The following EXOSC7 variants were observed in gnomAD, a reference collection of about 807,000 sequenced individuals.
The protein encoded by EXOSC7 is exosome component 7, also known as exosome complex component RRP42.
Under a neutral mutation model 34.3 loss-of-function variants are expected in EXOSC7, and 25 were observed. The ratio of observed to expected loss-of-function variants is 0.73; its 90% CI spans 0.53 to 1.02. EXOSC7 has a LOEUF of 1.02. EXOSC7 is among the 50% of genes least tolerant of loss of function. The pLI is 0.00. For missense variants in EXOSC7, 370 were observed against 368.5 expected, an observed-to-expected ratio of 1.00 and a Z score of -0.03; for synonymous variants, 130 against 143.0, an observed-to-expected ratio of 0.91 and a Z score of 0.65.
At chr3:44,990,798 T>C (rs763474165) in intron 3 of EXOSC7, among the ~76,000 whole-genome samples, 2 of 152,182 alleles carry the variant, frequency 1.3e-5, no homozygotes, top group Non-Finnish European at 2.9e-5. Context: ...TTGCACAATA[T>C]AGGCACAGTG....
In EXOSC7 at chr3:45,008,750, A is replaced by G. The variant is rs1215950858; in HGVS notation, c.771+1175A>G. Among the ~76,000 whole-genome samples, 5 of 152,260 alleles carry G rather than the reference A, an allele frequency of 3.3e-5. No homozygotes were observed. In the East Asian group the frequency reaches 5.8e-4, roughly 18 times the overall value. On this transcript the variant is annotated intron_variant, in intron 7 of 7. Coordinates refer to ENST00000265564, the MANE Select transcript of EXOSC7 (RefSeq NM_015004.4). ...CAAATTTCTCCAGACTTAATGCTGC[A>G]TAAATTCTACCAAAGTCCTCTAGGC...
intron 1 of EXOSC7, among the ~76,000 whole-genome samples, chr3:44,982,714 G>A (rs1332858172): frequency 6.6e-6 from 1 of 152,202 alleles, no homozygotes; most frequent in Non-Finnish European, 1.5e-5. Context: ...GACAGAATTG[G>A]AGCCAGCCCT....
At chr3:44,987,511 G>GC (rs1304411827) in intron 1 of EXOSC7, among the ~76,000 whole-genome samples, 3 of 152,230 alleles carry the variant, frequency 2.0e-5, no homozygotes, top group African/African-American at 7.2e-5. Flanking sequence ...GGCGGAGGTT[G>GC]CAGTGAGCTG....
intron 1 of EXOSC7, among the ~76,000 whole-genome samples, chr3:44,978,405 C>T (rs1339389184): frequency 1.3e-5 from 2 of 152,148 alleles, no homozygotes; most frequent in Admixed American, 1.3e-4. Context: ...AAGGATTCCT[C>T]CTCTGTATCT....
At chr3:44,996,170 A>G (rs1220434545) in intron 3 of EXOSC7, among the ~76,000 whole-genome samples, 3 of 152,126 alleles carry the variant, frequency 2.0e-5, no homozygotes, top group Non-Finnish European at 4.4e-5. Context: ...AGGCTTTAAT[A>G]TGTGATTTTA....
chr3:44,991,634 A>G (rs1706575662), intron 3 of EXOSC7, among the ~76,000 whole-genome samples: 1 of 152,170 alleles, frequency 6.6e-6, no homozygotes, highest in Non-Finnish European at 1.5e-5. Flanking sequence ...TATGACTCCA[A>G]GTTAGCCTGC....
chr3:44,988,820 C>A (rs1024057335), intron 1 of EXOSC7, among the ~76,000 whole-genome samples: 11 of 152,056 alleles, frequency 7.2e-5, no homozygotes, highest in African/African-American at 2.7e-4. Context: ...GTCTCTTGTT[C>A]AGATCTTGTT....
chr3:45,001,899 C>A, intron 5 of EXOSC7: 1 of 350,762 alleles, frequency 2.9e-6, no homozygotes, highest in East Asian at 6.1e-5. Context: ...AGAGTAGACA[C>A]CACCTACAGG....
intron 6 of EXOSC7, among the ~76,000 whole-genome samples, chr3:45,006,648 C>T (rs542168051): frequency 1.2e-3 from 182 of 149,412 alleles, no homozygotes; most frequent in Non-Finnish European, 1.4e-3. Flanking sequence ...GATCTCCTGA[C>T]CTCATGATCT....
chr3:45,008,520 T>C (rs565429599), intron 7 of EXOSC7, among the ~76,000 whole-genome samples: 1 of 152,372 alleles, frequency 6.6e-6, no homozygotes, highest in South Asian at 2.1e-4. Context: ...TGTACTGCCC[T>C]GGCTGCAAAC....
rs1408059401 is a variant in EXOSC7, at chr3:44,989,029, G to C, written c.58-111G>C. Reference sequence around the variant, plus strand: ...GACAGAATTTTAGATGATCCACTAAGAGGAAAAGAGATATTCTGCATATAT... The same window carrying C: ...GACAGAATTTTAGATGATCCACTAACAGGAAAAGAGATATTCTGCATATAT... On this transcript the variant is annotated intron_variant, in intron 1 of 7. Transcript: ENST00000265564. The C allele has an allele frequency of 2.9e-5, 19 of 663,050 alleles. 1 individual carries two copies. The highest frequency in any genetic ancestry group is 2.5e-4 in the Middle Eastern group (1 of 4,028). The allele number at this position is 663,050 out of a possible 1,614,324, so 41.1% of individuals were successfully genotyped here.
At chr3:44,989,418 A>G in intron 2 of EXOSC7, 132 bp from the exon 3 acceptor site, 2 of 841,052 alleles carry the variant, frequency 2.4e-6, no homozygotes, top group East Asian at 5.2e-5. Context: ...CACCTCCTCC[A>G]AAGACCACTT....
chr3:45,000,012 AACCTAT>A (rs1168541649), intron 4 of EXOSC7, among the ~76,000 whole-genome samples: 1 of 152,200 alleles, frequency 6.6e-6, no homozygotes, highest in Non-Finnish European at 1.5e-5. Flanking sequence ...ACTTACTTCA[AACCTAT>A]TACAGTCAGA....
intron 6 of EXOSC7, among the ~76,000 whole-genome samples, chr3:45,005,768 G>C (rs1451131387): frequency 6.6e-6 from 1 of 152,092 alleles, no homozygotes. Context: ...GTGGCAGGGT[G>C]GCGAACACTG....
chr3:44,979,625 C>G (rs756137098), intron 1 of EXOSC7, among the ~76,000 whole-genome samples: 4 of 151,704 alleles, frequency 2.6e-5, no homozygotes, highest in Non-Finnish European at 5.9e-5. Context: ...TTTTTGTCTC[C>G]CTACAGATTG....
intron 3 of EXOSC7, among the ~76,000 whole-genome samples, chr3:44,993,755 C>G (rs891340708): frequency 6.6e-6 from 1 of 152,014 alleles, no homozygotes; most frequent in Non-Finnish European, 1.5e-5. Flanking sequence ...GTGTGTACAC[C>G]CCCCACTGAA....
intron 3 of EXOSC7, 152 bp from the exon 4 acceptor site, chr3:44,996,935 G>A (rs1706736879): frequency 1.4e-6 from 1 of 728,314 alleles, no homozygotes; most frequent in Admixed American, 2.6e-5. Flanking sequence ...GTCAGGAAAA[G>A]TGGCAGATGC....
At chr3:45,005,558 G>T in intron 6 of EXOSC7, 144 bp downstream of exon 6, 4 of 713,040 alleles carry the variant, frequency 5.6e-6, no homozygotes, top group Non-Finnish European at 8.8e-6. Flanking sequence ...CCAATAATTT[G>T]GTTATACTAG....
intron 1 of EXOSC7, among the ~76,000 whole-genome samples, chr3:44,977,599 G>A (rs1158607985): frequency 6.6e-6 from 1 of 152,224 alleles, no homozygotes; most frequent in Non-Finnish European, 1.5e-5. Flanking sequence ...GTATTACAGG[G>A]TAACATGTAT....
Sources: allele counts gnomAD v4.1 joint callset (sites outside exome capture counted in the v4.1 genomes callset), GRCh38; gene constraint gnomAD v4.1.1; transcripts MANE v1.5; gene names NCBI Gene and HGNC (gene_info 2026-07-23, HGNC 2026-07-21).